TRRAP: variants seen among roughly 807,000 people sequenced by gnomAD.
TRRAP encodes transformation/transcription domain-associated protein.
TRRAP carries 41 observed loss-of-function variants against 438.8 expected under a neutral mutation model. The observed-to-expected ratio is 0.09, with a 90% CI of 0.07 to 0.12. The LOEUF (loss-of-function observed/expected upper bound fraction) is 0.12, where lower values mean the gene tolerates loss of function less well. Ranked by LOEUF, TRRAP falls within the 10% of genes least tolerant of loss-of-function variation. The probability of loss-of-function intolerance (pLI) is 1.00; values close to 1 mark genes in which losing one functional copy is unlikely to be tolerated. For synonymous variants in TRRAP, 1,994 were observed against 1,962.9 expected (o/e 1.02, Z -0.42); for missense variants, 3,122 against 5,055.1 (o/e 0.62, Z 11.60).
chr7:98,909,499 TAAATC>T (rs1238932944), intron 14 of TRRAP, among the ~76,000 whole-genome samples: 1 of 152,202 alleles, frequency 6.6e-6, no homozygotes, highest in East Asian at 1.9e-4. Context: ...CTGTGGGAGT[TAAATC>T]AGGCAGCGCT....
At chr7:98,887,601 G>T (rs1160253311) in intron 3 of TRRAP, among the ~76,000 whole-genome samples, 4 of 151,802 alleles carry the variant, frequency 2.6e-5, no homozygotes, top group African/African-American at 9.7e-5. Context: ...TCGTGGTGGT[G>T]GGCTCTGTAA....
chr7:98,884,865 G>A (rs551852825), intron 3 of TRRAP, among the ~76,000 whole-genome samples: 3 of 152,130 alleles, frequency 2.0e-5, no homozygotes, highest in Non-Finnish European at 2.9e-5. Context: ...TCATGCTCCG[G>A]TACTGGCCCT....
At chr7:98,947,840 G>A (rs1230177893) in intron 33 of TRRAP, among the ~76,000 whole-genome samples, 5 of 152,176 alleles carry the variant, frequency 3.3e-5, no homozygotes, top group Admixed American at 1.3e-4. Flanking sequence ...GCAAAGTAGG[G>A]CATCCTCACA....
Position 98,930,906 on chromosome 7 carries a change from T to G in TRRAP, c.3591+76T>G. 1.9e-6 allele frequency: 3 copies of G among 1,562,450 alleles called. No homozygotes were observed. The South Asian group carries it at 3.4e-5, about 18-fold the overall frequency. On this transcript the variant is annotated intron_variant, in intron 25 of 72. Transcript: ENST00000456197. ...TTTCCTGAAGAATACTATAAGATCC[T>G]TCTGCAAATATGCTCTCCTAGCAGC...
Position 98,912,947 on chromosome 7 carries a change from C to T in TRRAP, c.2199+734C>T, listed in dbSNP as rs1789343642. ...ATAGGAAGAGTAACTGTGAGGGAGA[C>T]GGAAAAATGCAGTGAGGCATGATTT... On this transcript the variant is annotated intron_variant, in intron 18 of 72. Coordinates refer to ENST00000456197, the MANE Select transcript of TRRAP (RefSeq NM_001375524.1). 3.9e-5 allele frequency among the ~76,000 whole-genome samples: 6 copies of T among 152,192 alleles called. No homozygotes were observed. The South Asian group carries it at 8.3e-4, about 21-fold the overall frequency.
At chr7:98,979,253 T>C (rs1792803852) in intron 58 of TRRAP, among the ~76,000 whole-genome samples, 1 of 152,164 alleles carries the variant, frequency 6.6e-6, no homozygotes, top group South Asian at 2.1e-4. Context: ...AAATACATTC[T>C]TCCCTCAGTA....
chr7:98,892,521 T>A lies in TRRAP; in HGVS notation c.359T>A (p.Phe120Tyr), dbSNP rs938310667. 4 of 1,608,008 alleles carry A rather than the reference T, an allele frequency of 2.5e-6. No individual in the cohort carries two copies. Among genetic ancestry groups the A allele is most frequent in the Non-Finnish European group, 3.4e-6 (4 of 1,178,106 alleles). ...TKNVLSVMFR[F>Y]LETENEENVL... Reference sequence around the variant, plus strand: ...AATGTTTTGTCTGTGATGTTTCGCTTTTTAGAGGTAAGTTTTGAGAATTAA... The same window carrying A: ...AATGTTTTGTCTGTGATGTTTCGCTATTTAGAGGTAAGTTTTGAGAATTAA... The change falls in exon 5 of 73, where the codon TTT becomes TAT. Residue 120 changes from phenylalanine (F) to tyrosine (Y), a missense_variant. Phe to Tyr is a conservative substitution (Grantham distance 22, BLOSUM62 3). Around this residue, in one of 24 missense-constraint regions of TRRAP, gnomAD observed 343 missense variants for 564.0 expected, o/e 0.61. Transcript: ENST00000456197.
intron 58 of TRRAP, 84 bp downstream of exon 58, chr7:98,978,988 A>G: frequency 6.4e-7 from 1 of 1,564,294 alleles, no homozygotes. Flanking sequence ...TTTCCCTTAG[A>G]ACAAGCATTT....
chr7:98,975,921 C>T (rs1355645597), intron 53 of TRRAP: 1 of 515,542 alleles, frequency 1.9e-6, no homozygotes, highest in Non-Finnish European at 3.4e-6. Flanking sequence ...GGCGCCATTG[C>T]TGAGCCTCTC....
chr7:98,903,306 A>G, intron 11 of TRRAP, 73 bp from the exon 12 acceptor site: 1 of 1,569,232 alleles, frequency 6.4e-7, no homozygotes, highest in Non-Finnish European at 8.6e-7. Flanking sequence ...ATTTTTAAGA[A>G]GCTGATAACA....
At chr7:98,884,219 CTTCA>C (rs1795590576) in intron 3 of TRRAP, among the ~76,000 whole-genome samples, 1 of 151,876 alleles carries the variant, frequency 6.6e-6, no homozygotes, top group South Asian at 2.1e-4. Flanking sequence ...TGTATGGTAT[CTTCA>C]TTCATCTTGC....
Position 98,917,567 on chromosome 7 carries a change from G to A in TRRAP, c.2510G>A (p.Gly837Glu). 1 of 1,614,172 alleles carries A rather than the reference G, an allele frequency of 6.2e-7. No homozygotes were observed. Among genetic ancestry groups the A allele is most frequent in the Non-Finnish European group, 8.5e-7 (1 of 1,180,036 alleles). ...GATCCCTTGGTGTCTGCACTCAATG[G>A]GTCTCAGACATTGGTCAGCCAAGGC... ...LMDPLVSALNGSQTLVSQGLR... is the reference protein window; with the variant it reads ...LMDPLVSALNESQTLVSQGLR... Residue 837 changes from glycine to glutamate, a missense_variant, in exon 20 of 73, where the codon GGG becomes GAG. Around this residue, in one of 24 missense-constraint regions of TRRAP, gnomAD observed 20 missense variants for 100.7 expected, o/e 0.20. Transcript: ENST00000456197.
At position 98,967,613 on chromosome 7, in the gene TRRAP, G is replaced by A. The variant is rs138285890; in HGVS notation, c.7427G>A (p.Arg2476His). 1.1e-5 allele frequency: 18 copies of A among 1,613,952 alleles called. No homozygotes were observed. Among genetic ancestry groups the A allele is most frequent in the Admixed American group, 3.3e-5 (2 of 59,976 alleles). Residue 2476 changes from arginine (R) to histidine (H), a missense_variant, in exon 51 of 73, where the codon CGT (arginine) becomes CAT (histidine). Transcript: ENST00000456197. ...GTTTTTGACAACTCCATGAAACGTC[G>A]TGTCTACGAGCGCTTGCTCTATGTG... ...FEVFDNSMKR[R>H]VYERLLYVTC...
chr7:98,913,766 C>G (rs1789390532), intron 18 of TRRAP, among the ~76,000 whole-genome samples: 1 of 152,114 alleles, frequency 6.6e-6, no homozygotes, highest in African/African-American at 2.4e-5. Flanking sequence ...ATGACTAATC[C>G]TATGTAATTG....
At chr7:98,897,375 T>C (rs1178121598) in intron 7 of TRRAP, among the ~76,000 whole-genome samples, 1 of 152,174 alleles carries the variant, frequency 6.6e-6, no homozygotes, top group South Asian at 2.1e-4. Context: ...TGCCTCACTG[T>C]GGTAGGAATG....
rs754088255 is a variant in TRRAP at position 99,012,549 on chromosome 7, G to A, written c.*194G>A. ...TTAGAGGAAGCTGAACTATGACGAT[G>A]CTGGGCGAAGCGGTTGGAAATGGCA... is the stretch of plus-strand genomic sequence containing the variant. On this transcript the variant is annotated 3_prime_UTR_variant, in exon 73 of 73. Transcript: ENST00000456197. The surrounding 1 kb of genome is among the most constrained non-coding windows in gnomAD (Gnocchi z 5.9). 1.5e-5 allele frequency: 10 copies of A among 669,792 alleles called. No homozygotes were observed. The highest frequency in any genetic ancestry group is 2.4e-5 in the Non-Finnish European group (10 of 415,344). 41.5% of individuals were successfully genotyped at this position (669,792 alleles called of 1,614,324 possible).
chr7:99,000,210 C>G (rs1334562094), intron 67 of TRRAP, among the ~76,000 whole-genome samples: 1 of 152,202 alleles, frequency 6.6e-6, no homozygotes, highest in Non-Finnish European at 1.5e-5. Flanking sequence ...GGTTTCACTA[C>G]GTTGGCCAGG....
chr7:98,948,319 G>C lies in TRRAP; in HGVS notation c.4647G>C (p.Thr1549=). Residue 1549 remains threonine (T), a synonymous_variant, in exon 34 of 73, where the codon ACG becomes ACC. Transcript: ENST00000456197. This position sits in a 1 kb window ranked among gnomAD's most constrained non-coding sequence, Gnocchi z 4.9. ...CTTTGCTAGAGGTTGTCATGAAAAC[G>C]GAGCGGGCGATGCTGATCGAGGTAA... The part of the protein sequence containing the change: ...VKPLLEVVMK[T]ERAMLIEAGS... 6.2e-7 allele frequency: 1 copy of C among 1,614,190 alleles called. No homozygotes were observed. Among genetic ancestry groups the C allele is most frequent in the Non-Finnish European group, 8.5e-7 (1 of 1,180,042 alleles).
At chr7:99,002,366 C>T (rs1300224231) in intron 67 of TRRAP, among the ~76,000 whole-genome samples, 2 of 152,166 alleles carry the variant, frequency 1.3e-5, no homozygotes, top group African/African-American at 4.8e-5. Context: ...GTGTTGGCAT[C>T]GCACTGGGTT....
Sources: allele counts gnomAD v4.1 joint callset (sites outside exome capture counted in the v4.1 genomes callset), GRCh38; gene constraint gnomAD v4.1.1; regional missense constraint gnomAD v4.1.1; non-coding constraint Gnocchi (gnomAD v3.1); transcripts MANE v1.5; gene names NCBI Gene and HGNC (gene_info 2026-07-23, HGNC 2026-07-21).